DLGAP2: variants seen among roughly 807,000 people sequenced by gnomAD.
The protein encoded by DLGAP2 is disks large-associated protein 2.
DLGAP2 carries 26 observed loss-of-function variants against 100.3 expected under a neutral mutation model. The observed-to-expected ratio is 0.26, with a 90% confidence interval of 0.19 to 0.36. DLGAP2 has a LOEUF of 0.36. Ranked by LOEUF, DLGAP2 falls within the 10% of genes least tolerant of loss-of-function variation. The pLI is 1.00. For synonymous variants in DLGAP2, 886 were observed against 630.1 expected, an observed-to-expected ratio of 1.41 and a Z score of -6.08; for missense variants, 1,858 against 1,453.2, an observed-to-expected ratio of 1.28 and a Z score of -4.53.
At chr8:765,654 G>T (rs1421067198) in intron 1 of DLGAP2, among the ~76,000 whole-genome samples, 1 of 152,118 alleles carries the variant, frequency 6.6e-6, no homozygotes, top group South Asian at 2.1e-4. Flanking sequence ...ATAAACAAGG[G>T]TCACGTTTGG....
chr8:801,847 C>A (rs921544079), intron 1 of DLGAP2, among the ~76,000 whole-genome samples: 1 of 152,100 alleles, frequency 6.6e-6, no homozygotes, highest in African/African-American at 2.4e-5. Flanking sequence ...ACCCAGGTGG[C>A]TGTGCCCTTT....
At chr8:1,327,705 G>T (rs189701064) in intron 3 of DLGAP2, among the ~76,000 whole-genome samples, 47 of 152,098 alleles carry the variant, frequency 3.1e-4, no homozygotes, top group African/African-American at 1.1e-3. Context: ...CTATCCGGGC[G>T]TCGTGGCGGG....
chr8:1,183,761 C>T (rs1003753837), intron 2 of DLGAP2, among the ~76,000 whole-genome samples: 4 of 152,206 alleles, frequency 2.6e-5, no homozygotes, highest in African/African-American at 9.7e-5. Context: ...TGAATGTCTG[C>T]TCTTTTTGAA....
At position 758,076 on chromosome 8, in the gene DLGAP2, C is replaced by A. The variant is rs368267258; in HGVS notation, c.18+20251C>A. ...GAGATGATGGTAATTTCACCACTTA[C>A]CATATGTGGCTGTTGGAAAGATCAG... On this transcript the variant is annotated intron_variant, in intron 1 of 14. Coordinates refer to ENST00000637795, the MANE Select transcript of DLGAP2 (RefSeq NM_001346810.2). Among the ~76,000 whole-genome samples the A allele has an allele frequency of 1.1e-4, 17 of 152,280 alleles. No homozygotes were observed. The East Asian group carries it at 2.9e-3, about 26-fold the overall frequency.
intron 3 of DLGAP2, among the ~76,000 whole-genome samples, chr8:1,492,307 C>T (rs1366723686): frequency 6.6e-6 from 1 of 152,198 alleles, no homozygotes; most frequent in Non-Finnish European, 1.5e-5. Context: ...TGTCATTGTC[C>T]TAACGGAGCA....
intron 2 of DLGAP2, among the ~76,000 whole-genome samples, chr8:1,165,014 G>A (rs1366973757): frequency 6.6e-6 from 1 of 152,092 alleles, no homozygotes; most frequent in South Asian, 2.1e-4. Flanking sequence ...TGAGTTCAGG[G>A]ATGGGGTTGG....
Position 1,704,630 on chromosome 8 carries a change from A to G in DLGAP2, c.*3224A>G, listed in dbSNP as rs1427832470. On this transcript the variant is annotated 3_prime_UTR_variant, in exon 15 of 15. Coordinates refer to ENST00000637795, the MANE Select transcript of DLGAP2 (RefSeq NM_001346810.2). ...ATATAAAAAAATTGAACTGTTTATG[A>G]TACCAAAAAAATTACAGTTTTGTTT... The G allele has an allele frequency of 6.6e-6, 1 of 152,244 alleles. No homozygotes were observed. Among genetic ancestry groups the G allele is most frequent in the Admixed American group, 6.5e-5 (1 of 15,284 alleles). 9.4% of individuals were successfully genotyped at this position (152,244 alleles called of 1,614,324 possible). A position where few individuals can be genotyped will look rare whatever the true frequency, so the allele number is the denominator to read the frequency against.
intron 6 of DLGAP2, among the ~76,000 whole-genome samples, chr8:1,600,081 T>A (rs1046573728): frequency 6.6e-6 from 1 of 152,176 alleles, no homozygotes; most frequent in Admixed American, 6.5e-5. Flanking sequence ...TGATAATATC[T>A]CCCAGCATTT....
intron 1 of DLGAP2, among the ~76,000 whole-genome samples, chr8:846,730 A>T (rs1353422556): frequency 6.6e-6 from 1 of 152,122 alleles, no homozygotes; most frequent in Non-Finnish European, 1.5e-5. Flanking sequence ...CATTCCCACC[A>T]GCAGCACTAG....
At chr8:1,019,729 T>G (rs1801575569) in intron 2 of DLGAP2, 1 of 152,202 alleles carries the variant, frequency 6.6e-6, no homozygotes, top group South Asian at 2.1e-4. Context: ...AGACTCTGAT[T>G]CTTTCACCCT....
chr8:1,069,119 A>C (rs1803349854), intron 2 of DLGAP2, among the ~76,000 whole-genome samples: 1 of 152,240 alleles, frequency 6.6e-6, no homozygotes, highest in Non-Finnish European at 1.5e-5. Flanking sequence ...CGGCAGCAGC[A>C]TTCTTTGTTG....
intron 3 of DLGAP2, among the ~76,000 whole-genome samples, chr8:1,425,712 C>T (rs546221587): frequency 5.3e-5 from 8 of 152,218 alleles, no homozygotes; most frequent in African/African-American, 1.9e-4. Flanking sequence ...GGAACTGGCC[C>T]CTGTGGGCTC....
chr8:1,325,661 G>C (rs1009525043), intron 3 of DLGAP2, among the ~76,000 whole-genome samples: 2 of 152,226 alleles, frequency 1.3e-5, no homozygotes, highest in African/African-American at 4.8e-5. Context: ...CTCCAGCAGT[G>C]ATTGGCGGGG....
At chr8:1,036,232 C>T (rs62488493) in intron 2 of DLGAP2, among the ~76,000 whole-genome samples, 33,898 of 141,512 alleles carry the variant, frequency 0.24, 2,578 homozygotes, top group Middle Eastern at 0.3. Context: ...CGTGTCACCG[C>T]GAGTGGATTC....
intron 2 of DLGAP2, among the ~76,000 whole-genome samples, chr8:1,091,146 AC>A (rs1377231169): frequency 6.6e-6 from 1 of 151,474 alleles, no homozygotes; most frequent in Non-Finnish European, 1.5e-5. Flanking sequence ...CACACAGCCC[AC>A]CCCGGTTCTC....
rs1264676360 is a variant in DLGAP2, at chr8:1,132,595, C to T, written c.74-126256C>T. ...TGAGCTGGCATGCACTCGCCCAACA[C>T]AGTAAAGCCAGATGCTCACACCGAA... is the stretch of plus-strand genomic sequence containing the variant. On this transcript the variant is annotated intron_variant, in intron 2 of 14. Coordinates refer to ENST00000637795, the MANE Select transcript of DLGAP2 (RefSeq NM_001346810.2). Among the ~76,000 whole-genome samples the T allele has an allele frequency of 2.6e-5, 4 of 152,214 alleles. No homozygotes were observed. The East Asian group carries it at 7.7e-4, about 29-fold the overall frequency.
intron 2 of DLGAP2, among the ~76,000 whole-genome samples, chr8:1,180,385 T>C (rs889454648): frequency 6.6e-6 from 1 of 152,222 alleles, no homozygotes; most frequent in African/African-American, 2.4e-5. Context: ...TTATTATCAT[T>C]TTTGAGAAGG....
chr8:1,158,767 G>T (rs545561305), intron 2 of DLGAP2, among the ~76,000 whole-genome samples: 19 of 152,230 alleles, frequency 1.2e-4, no homozygotes, highest in Non-Finnish European at 2.2e-4. Context: ...CAGACCCCTT[G>T]AAGTCTCCTC....
intron 4 of DLGAP2, among the ~76,000 whole-genome samples, chr8:1,545,736 T>C (rs1402189900): frequency 6.6e-6 from 1 of 152,250 alleles, no homozygotes; most frequent in Non-Finnish European, 1.5e-5. Flanking sequence ...GGAAATCCAG[T>C]CCTGTATAGT....
Sources: gnomAD v4.1 joint callset for allele counts (sites outside exome capture counted in the v4.1 genomes callset) on GRCh38, gnomAD v4.1.1 for gene constraint, MANE v1.5 for transcripts, NCBI Gene and HGNC (gene_info 2026-07-23, HGNC 2026-07-21) for gene names.